UTRN: variants seen among roughly 807,000 people sequenced by gnomAD.
The protein encoded by UTRN is dystrophin-related protein 1.
Under a neutral mutation model 463.9 loss-of-function variants are expected in UTRN, and 283 were observed. The observed-to-expected ratio is 0.61, with a 90% CI of 0.55 to 0.67. The LOEUF (loss-of-function observed/expected upper bound fraction) is 0.67. Ranked by LOEUF, UTRN falls within the 30% of genes least tolerant of loss-of-function variation. The pLI, the probability that UTRN is intolerant of heterozygous loss-of-function variation, is 0.00. For missense variants in UTRN, 3,922 were observed against 4,084.3 expected (o/e 0.96, Z 1.08); for synonymous variants, 1,442 against 1,431.5 (o/e 1.01, Z -0.17).
At chr6:144,666,507 A>G (rs1049949004) in intron 51 of UTRN, among the ~76,000 whole-genome samples, 1 of 152,152 alleles carries the variant, frequency 6.6e-6, no homozygotes, top group African/African-American at 2.4e-5. Flanking sequence ...TGTGTCATCT[A>G]TCTACTCTGT....
intron 1 of UTRN, among the ~76,000 whole-genome samples, chr6:144,290,752 C>CCT (rs1804155329): frequency 1.0e-5 from 1 of 99,140 alleles, no homozygotes; most frequent in African/African-American, 4.2e-5. Context: ...CCACAATCGT[C>CCT]TTTTTTTTTT....
At chr6:144,506,737 C>T (rs1794723063) in intron 34 of UTRN, among the ~76,000 whole-genome samples, 1 of 152,090 alleles carries the variant, frequency 6.6e-6, no homozygotes, top group African/African-American at 2.4e-5. Context: ...GATTATGTGT[C>T]TTGGGGTTGC....
intron 53 of UTRN, among the ~76,000 whole-genome samples, chr6:144,724,222 CTT>C (rs34507977): frequency 7.9e-3 from 619 of 78,046 alleles, no homozygotes; most frequent in African/African-American, 0.033. Flanking sequence ...AGATTCATAA[CTT>C]TTTTTTTTTT....
chr6:144,420,165 A>G (rs889161508), intron 3 of UTRN, among the ~76,000 whole-genome samples: 6 of 152,214 alleles, frequency 3.9e-5, no homozygotes, highest in African/African-American at 1.2e-4. Flanking sequence ...AATGAAGAAG[A>G]TAAAAGAAGT....
At chr6:144,805,903 TTAAA>T (rs1778107273) in intron 65 of UTRN, among the ~76,000 whole-genome samples, 1 of 151,736 alleles carries the variant, frequency 6.6e-6, no homozygotes, top group Non-Finnish European at 1.5e-5. Context: ...GGAGATGGAA[TTAAA>T]AAGAAAGGCA....
At chr6:144,636,203 A>AT (rs777074747) in intron 51 of UTRN, among the ~76,000 whole-genome samples, 62 of 152,198 alleles carry the variant, frequency 4.1e-4, no homozygotes, top group Non-Finnish European at 6.3e-4. Flanking sequence ...ACCATGGAGT[A>AT]CTATGCAGCC....
At chr6:144,398,116 G>T in intron 2 of UTRN, 1 of 248,262 alleles carries the variant, frequency 4.0e-6, no homozygotes, top group South Asian at 6.7e-5. Context: ...GGAAGTAGAT[G>T]GTTTGCCTGT....
At chr6:144,319,937 T>C (rs1288405114) in intron 2 of UTRN, among the ~76,000 whole-genome samples, 4 of 151,898 alleles carry the variant, frequency 2.6e-5, no homozygotes, top group African/African-American at 9.7e-5. Flanking sequence ...CACCGCAATG[T>C]CCGCCTCCTA....
intron 50 of UTRN, 104 bp downstream of exon 50, chr6:144,557,415 C>T: frequency 8.5e-7 from 1 of 1,181,172 alleles, no homozygotes; most frequent in African/African-American, 2.0e-5. Context: ...ACTACAAGTA[C>T]ATTTTATTAT....
intron 25 of UTRN, among the ~76,000 whole-genome samples, chr6:144,476,831 G>A (rs1028732722): frequency 2.0e-5 from 3 of 152,142 alleles, no homozygotes; most frequent in African/African-American, 4.8e-5. Flanking sequence ...GGAGGGTATG[G>A]GAACTGAGGA....
chr6:144,314,312 C>T (rs1470681448), intron 2 of UTRN, among the ~76,000 whole-genome samples: 1 of 152,222 alleles, frequency 6.6e-6, no homozygotes, highest in Non-Finnish European at 1.5e-5. Flanking sequence ...TTTCCGCATT[C>T]CCTGTCTGCT....
chr6:144,559,998 G>A (rs1186034643), intron 50 of UTRN, among the ~76,000 whole-genome samples: 1 of 152,162 alleles, frequency 6.6e-6, no homozygotes, highest in Non-Finnish European at 1.5e-5. Flanking sequence ...TACTTTGTGA[G>A]ATTTGGGGCT....
intron 2 of UTRN, among the ~76,000 whole-genome samples, chr6:144,307,376 A>G (rs1194674465): frequency 2.6e-5 from 4 of 152,212 alleles, no homozygotes; most frequent in African/African-American, 9.7e-5. Flanking sequence ...AGAAGTTTTT[A>G]CACTTGTGTT....
At chr6:144,754,892 ATGTT>A in intron 57 of UTRN, 94 bp downstream of exon 57, 2 of 1,231,982 alleles carry the variant, frequency 1.6e-6, no homozygotes, top group East Asian at 2.4e-5. Context: ...TGCTATAAAT[ATGTT>A]TATTTAGATA....
chr6:144,454,654 T>C (rs763946839), intron 19 of UTRN, among the ~76,000 whole-genome samples: 1 of 152,178 alleles, frequency 6.6e-6, no homozygotes, highest in Non-Finnish European at 1.5e-5. Context: ...CTTTTTGTTA[T>C]GGAAAATATA....
chr6:144,383,449 A>T (rs1562322387), intron 2 of UTRN, among the ~76,000 whole-genome samples: 1 of 152,208 alleles, frequency 6.6e-6, no homozygotes, highest in Admixed American at 6.5e-5. Context: ...TAGGTAGGCA[A>T]CCCAGGGCTG....
chr6:144,567,169 A>C (rs1800484267), intron 50 of UTRN, among the ~76,000 whole-genome samples: 1 of 152,108 alleles, frequency 6.6e-6, no homozygotes, highest in Non-Finnish European at 1.5e-5. Context: ...TGCAGGAGAA[A>C]TAATGGCCCT....
intron 2 of UTRN, among the ~76,000 whole-genome samples, chr6:144,352,307 G>C (rs9496939): frequency 2.0e-5 from 3 of 152,036 alleles, no homozygotes; most frequent in South Asian, 4.1e-4. Context: ...TGGTTTAAGG[G>C]ACTTTTGGGG....
At chr6:144,845,820 C>T (rs555634876) in intron 73 of UTRN, among the ~76,000 whole-genome samples, 15 of 152,166 alleles carry the variant, frequency 9.9e-5, no homozygotes, top group African/African-American at 3.6e-4. Context: ...CCCCAAATAC[C>T]GGGCCTCACA....
Sources: gnomAD v4.1 joint callset for allele counts (sites outside exome capture counted in the v4.1 genomes callset) on GRCh38, gnomAD v4.1.1 for gene constraint, MANE v1.5 for transcripts, NCBI Gene and HGNC (gene_info 2026-07-23, HGNC 2026-07-21) for gene names.